Variants in NCL observed in about 807,000 individuals in gnomAD.
The protein encoded by NCL is nucleolin multifunctional protein.
A neutral mutation model predicts 77.7 loss-of-function variants in NCL; 4 were observed. That is an observed-to-expected ratio of 0.05 (90% CI 0.03 to 0.12). NCL has a LOEUF of 0.12. NCL is among the 10% of genes least tolerant of loss of function. The probability of loss-of-function intolerance (pLI) is 1.00; values close to 1 mark genes in which losing one functional copy is unlikely to be tolerated. For missense variants in NCL, 763 were observed against 860.9 expected, an observed-to-expected ratio of 0.89 and a Z score of 1.42; for synonymous variants, 344 against 297.8, an observed-to-expected ratio of 1.16 and a Z score of -1.60.
intron 6 of NCL, 78 bp downstream of exon 6, chr2:231,460,074 G>T: frequency 6.9e-7 from 1 of 1,446,264 alleles, no homozygotes; most frequent in Non-Finnish European, 9.4e-7. Context: ...ACAGTAGCAG[G>T]CTAAAGTAAC....
intron 1 of NCL, 119 bp downstream of exon 1, chr2:231,464,217 C>G: frequency 1.3e-6 from 2 of 1,487,394 alleles, no homozygotes; most frequent in East Asian, 2.5e-5. Context: ...CGAGACTTCC[C>G]GCAGCATGGC....
At chr2:231,455,778 T>C in intron 12 of NCL, 154 bp from the exon 13 acceptor site, 1 of 1,146,204 alleles carries the variant, frequency 8.7e-7, no homozygotes, top group Middle Eastern at 1.9e-4. Flanking sequence ...GAAAACTAAC[T>C]GGTGTGACAG....
At chr2:231,463,996 C>T in intron 1 of NCL, 2 of 665,226 alleles carry the variant, frequency 3.0e-6, no homozygotes, top group Non-Finnish European at 4.0e-6. Flanking sequence ...CGTGGCAGGC[C>T]GCGCTCCCGG....
Position 231,459,190 on chromosome 2 carries a change from T to C in NCL, c.1041-65A>G, listed in dbSNP as rs115976293. The C allele has an allele frequency of 1.6e-3, 2,292 of 1,440,018 alleles. 37 individuals carry two copies. In the African/African-American group the frequency reaches 0.03, roughly 19 times the overall value. The allele number at this position is 1,440,018 out of a possible 1,614,324, so 89.2% of individuals were successfully genotyped here. ...AACACAAATCAAAATCCACAATATG[T>C]ATTCTAGACAAATGTGATGGTGCAA... is the stretch of plus-strand genomic sequence containing the variant. On this transcript the variant is annotated intron_variant, in intron 6 of 13. Coordinates refer to ENST00000322723, the MANE Select transcript of NCL (RefSeq NM_005381.3).
intron 10 of NCL, 107 bp downstream of exon 10, chr2:231,456,894 T>C (rs1012036251): frequency 7.7e-6 from 12 of 1,554,342 alleles, no homozygotes; most frequent in Middle Eastern, 1.7e-4. Context: ...CTCATTTACG[T>C]AGCTAAAATT....
rs1021558053 is a variant in NCL, at chr2:231,454,912, G to GA, written c.*278dup. ...ACAACAAAACCCAAACTATTTGTAG[G>GA]AAAAAATGGTTTTGTACATGGGATG... On this transcript the variant is annotated 3_prime_UTR_variant, in exon 14 of 14. Transcript: ENST00000322723. The GA allele has an allele frequency of 2.0e-5, 6 of 305,516 alleles. No individual in the cohort carries two copies. Among genetic ancestry groups the GA allele is most frequent in the African/African-American group, 8.7e-5 (4 of 46,220 alleles). 18.9% of individuals were successfully genotyped at this position (305,516 alleles called of 1,614,324 possible).
rs576696369 is a variant in NCL, at chr2:231,462,679, A to G, written c.135+521T>C. 9 of 423,420 alleles carry G rather than the reference A, an allele frequency of 2.1e-5. No homozygotes were observed. In the Admixed American group the frequency reaches 2.5e-4, roughly 12 times the overall value. The allele number at this position is 423,420 out of a possible 1,614,324, so 26.2% of individuals were successfully genotyped here. On this transcript the variant is annotated intron_variant, in intron 2 of 13. Coordinates refer to ENST00000322723, the MANE Select transcript of NCL (RefSeq NM_005381.3). ...CACAATTCAGTGCTCAGCTGTCTTT[A>G]TAGTGAGCAAATAAAAGGCCAGGAG... is the stretch of plus-strand genomic sequence containing the variant.
chr2:231,454,533 C>T lies in NCL; in HGVS notation c.*658G>A, dbSNP rs1325708495. On this transcript the variant is annotated 3_prime_UTR_variant, in exon 14 of 14. Coordinates refer to ENST00000322723, the MANE Select transcript of NCL (RefSeq NM_005381.3). The stretch of plus-strand genomic sequence containing the variant: ...CTTCAGGACATAATCCTCAGACCTG[C>T]TAAAAGTAGGAGAAGCTGCAGCAGC... 1.3e-5 allele frequency: 2 copies of T among 152,656 alleles called. No individual in the cohort carries two copies. Among genetic ancestry groups the T allele is most frequent in the Non-Finnish European group, 1.5e-5 (1 of 68,386 alleles). The allele number at this position is 152,656 out of a possible 1,614,324, so 9.5% of individuals were successfully genotyped here. A position where few individuals can be genotyped will look rare whatever the true frequency, so the allele number is the denominator to read the frequency against.
rs148072166 is a variant in NCL at position 231,460,791 on chromosome 2, T to C, written c.689A>G (p.Lys230Arg). 62 of 1,614,190 alleles carry C rather than the reference T, an allele frequency of 3.8e-5. No homozygotes were observed. Among genetic ancestry groups the C allele is most frequent in the Non-Finnish European group, 4.7e-5 (55 of 1,180,012 alleles). ...TTCATCTTCATCCTCAGCCACGTTC[T>C]TGGCTTTCACAGGAACAACTTTTGC... ...KAAKVVPVKAKNVAEDEDEEE... is the reference protein window; with the variant it reads ...KAAKVVPVKARNVAEDEDEEE... Residue 230 changes from lysine (K) to arginine (R), a missense_variant, in exon 4 of 14, where the codon AAG (lysine) becomes AGG (arginine). Transcript: ENST00000322723.
In NCL at chr2:231,457,707, C is replaced by T; in HGVS notation, c.1383G>A (p.Leu461=). The T allele has an allele frequency of 5.0e-6, 8 of 1,613,018 alleles. No homozygotes were observed. The highest frequency in any genetic ancestry group is 5.9e-6 in the Non-Finnish European group (7 of 1,179,264). ...TTTGACCTTTCTCTCCAGTATAGTACAGGGAAATAGATCGCCCATCGATCT... is the reference window on the plus strand; with the variant it reads ...TTTGACCTTTCTCTCCAGTATAGTATAGGGAAATAGATCGCCCATCGATCT... The part of the protein sequence containing the change: ...GTEIDGRSIS[L]YYTGEKGQNQ... Residue 461 remains leucine (L), a synonymous_variant, in exon 9 of 14, where the codon CTG becomes CTA. Coordinates refer to ENST00000322723, the MANE Select transcript of NCL (RefSeq NM_005381.3).
chr2:231,457,581 C>A, intron 9 of NCL, 62 bp downstream of exon 9: 1 of 1,439,668 alleles, frequency 6.9e-7, no homozygotes, highest in Non-Finnish European at 9.4e-7. Flanking sequence ...TTATGAAATA[C>A]AAAGACACAA....
chr2:231,460,336 A>T (rs1559541777), intron 5 of NCL, 43 bp from the exon 6 acceptor site: 1 of 1,613,912 alleles, frequency 6.2e-7, no homozygotes. Flanking sequence ...TAGTGTGGTA[A>T]AAAGTTAGTT....
chr2:231,457,027 G>A lies in NCL; in HGVS notation c.1545C>T (p.Pro515=), dbSNP rs2046897292. ...CTTTAGATTTGCCATTTTGGTTCTGGGGTACTTTGATAAAAGTTGCTTTCT... is the reference window on the plus strand; with the variant it reads ...CTTTAGATTTGCCATTTTGGTTCTGAGGTACTTTGATAAAAGTTGCTTTCT... ...VFEKATFIKV[P]QNQNGKSKGY... The change falls in exon 10 of 14, where the codon CCC becomes CCT. Residue 515 remains proline (P), a synonymous_variant. Coordinates refer to ENST00000322723, the MANE Select transcript of NCL (RefSeq NM_005381.3). 2.5e-6 allele frequency: 4 copies of A among 1,613,820 alleles called. No homozygotes were observed. The highest frequency in any genetic ancestry group is 2.5e-6 in the Non-Finnish European group (3 of 1,179,962).
At chr2:231,463,447 T>G (rs975033030) in intron 1 of NCL, 131 bp from the exon 2 acceptor site, 1 of 732,258 alleles carries the variant, frequency 1.4e-6, no homozygotes, top group African/African-American at 1.8e-5. Flanking sequence ...ACACCACAAC[T>G]AACATAGAAA....
chr2:231,462,229 TG>T (rs2046959870), intron 2 of NCL, among the ~76,000 whole-genome samples: 1 of 152,212 alleles, frequency 6.6e-6, no homozygotes, highest in African/African-American at 2.4e-5. Flanking sequence ...GGAACTCTTT[TG>T]AACACTTAAA....
At chr2:231,459,296 G>A (rs2046923557) in intron 6 of NCL, among the ~76,000 whole-genome samples, 171 bp from the exon 7 acceptor site, 1 of 152,142 alleles carries the variant, frequency 6.6e-6, no homozygotes, top group Admixed American at 6.5e-5. Context: ...ACAGAACAAG[G>A]TCTCAGCATG....
At chr2:231,457,262 T>C (rs752768780) in intron 9 of NCL, 138 bp from the exon 10 acceptor site, 5 of 1,230,196 alleles carry the variant, frequency 4.1e-6, no homozygotes, top group Non-Finnish European at 5.9e-6. Context: ...TAAATCCATT[T>C]CTGTTACTCA....
Position 231,460,690 on chromosome 2 carries a change from C to G in NCL, c.790G>C (p.Glu264Gln). The change falls in exon 4 of 14, where the codon GAG becomes CAG. Residue 264 changes from glutamate to glutamine, a missense_variant. Physicochemically the swap from Glu to Gln is conservative, Grantham distance 29. This residue lies in a region of NCL where 590 missense variants were observed against 570.5 expected (regional missense o/e 1.03). Transcript: ENST00000322723. ...GTACCTTCCTCCTCCTCTTCTTCCT[C>G]CTCCTCATCATCTTCATCATCATCA... Reference protein sequence around the residue: ...EDDDDEDDEEEEEEEEEEPVK... With the variant: ...EDDDDEDDEEQEEEEEEEPVK... 6.2e-7 allele frequency: 1 copy of G among 1,612,394 alleles called. No homozygotes were observed. The highest frequency in any genetic ancestry group is 8.5e-7 in the Non-Finnish European group (1 of 1,179,146).
intron 2 of NCL, chr2:231,462,460 G>A: frequency 1.6e-5 from 7 of 449,302 alleles, no homozygotes; most frequent in South Asian, 1.1e-4. Flanking sequence ...GCCCAGTGAA[G>A]CTCAATTCTT....
Sources: allele counts gnomAD v4.1 joint callset (sites outside exome capture counted in the v4.1 genomes callset), GRCh38; gene constraint gnomAD v4.1.1; regional missense constraint gnomAD v4.1.1; transcripts MANE v1.5; gene names NCBI Gene and HGNC (gene_info 2026-07-23, HGNC 2026-07-21).